The following MKLN1 variants were observed in gnomAD, a reference collection of about 807,000 sequenced individuals.
MKLN1 encodes muskelin 1, also known as muskelin.
Under a neutral mutation model 99.0 loss-of-function variants are expected in MKLN1, and 18 were observed. The ratio of observed to expected loss-of-function variants is 0.18; its 90% CI spans 0.13 to 0.27. MKLN1 has a LOEUF of 0.27. MKLN1 is among the 10% of genes least tolerant of loss of function. MKLN1 has a pLI of 1.00. For synonymous variants in MKLN1, 288 were observed against 293.2 expected, an observed-to-expected ratio of 0.98 and a Z score of 0.18; for missense variants, 621 against 875.9, an observed-to-expected ratio of 0.71 and a Z score of 3.67.
chr7:131,466,183 TG>T, intron 14 of MKLN1, 92 bp from the exon 15 acceptor site: 1 of 828,962 alleles, frequency 1.2e-6, no homozygotes, highest in Non-Finnish European at 1.7e-6. Flanking sequence ...TTTATTTGAA[TG>T]GGCTCAGGAA....
rs188545426 is a variant in MKLN1, at chr7:131,246,023, A to G, written c.-179+43049A>G. Among the ~76,000 whole-genome samples, 417 of 152,336 alleles carry G rather than the reference A, an allele frequency of 2.7e-3. 1 individual carries two copies. The highest frequency in any genetic ancestry group is 9.3e-3 in the African/African-American group (386 of 41,578). On this transcript the variant is annotated intron_variant, in intron 3 of 7. Coordinates refer to the MKLN1 transcript ENST00000416992. ...AGGTGCCCTAGGGCCGCACTTCTGAAGCCCCTGAGAGGCAGATCTTGTTCT... is the reference window on the plus strand; with the variant it reads ...AGGTGCCCTAGGGCCGCACTTCTGAGGCCCCTGAGAGGCAGATCTTGTTCT...
chr7:131,250,019 A>G (rs1309547926), intron 3 of MKLN1, among the ~76,000 whole-genome samples: 2 of 152,248 alleles, frequency 1.3e-5, no homozygotes, highest in Non-Finnish European at 2.9e-5. Flanking sequence ...GAAAGCAAGC[A>G]TGAAGTACGA....
intron 2 of MKLN1, among the ~76,000 whole-genome samples, chr7:131,376,095 A>AATATATATATATATATATATAT (rs60323728): frequency 5.6e-5 from 6 of 108,066 alleles, no homozygotes; most frequent in Non-Finnish European, 9.5e-5. Flanking sequence ...AATTCATGGA[A>AATATATATATATATATATATAT]ATATATATAT....
intron 2 of MKLN1, among the ~76,000 whole-genome samples, chr7:131,385,957 C>T (rs1409669777): frequency 4.0e-5 from 6 of 151,056 alleles, no homozygotes; most frequent in Non-Finnish European, 7.4e-5. Flanking sequence ...TGAAGATTTG[C>T]CCGTAGTTTT....
At chr7:131,423,233 TG>T (rs1795258534) in intron 8 of MKLN1, among the ~76,000 whole-genome samples, 1 of 152,226 alleles carries the variant, frequency 6.6e-6, no homozygotes, top group Non-Finnish European at 1.5e-5. Context: ...AAGAAGTTGA[TG>T]GAGAGTTGCT....
At chr7:131,130,919 G>T (rs1404195292) in intron 1 of MKLN1, among the ~76,000 whole-genome samples, 23 of 151,940 alleles carry the variant, frequency 1.5e-4, no homozygotes, top group Non-Finnish European at 7.4e-5. Context: ...GGGTATGGTG[G>T]CATGCAAGTA....
intron 2 of MKLN1, among the ~76,000 whole-genome samples, chr7:131,171,161 T>G (rs908860413): frequency 5.3e-5 from 8 of 152,084 alleles, no homozygotes; most frequent in African/African-American, 1.9e-4. Context: ...AGGAGGTCAT[T>G]GGATGCTGAA....
intron 3 of MKLN1, among the ~76,000 whole-genome samples, chr7:131,322,557 CTTTTTTTTT>C (rs574246814): frequency 4.2e-5 from 4 of 95,096 alleles, no homozygotes; most frequent in South Asian, 3.6e-4. Flanking sequence ...CTGCCAAACA[CTTTTTTTTT>C]TTTTTTTTTT....
intron 3 of MKLN1, among the ~76,000 whole-genome samples, chr7:131,246,918 A>C (rs1797497998): frequency 6.6e-6 from 1 of 152,164 alleles, no homozygotes; most frequent in African/African-American, 2.4e-5. Flanking sequence ...GAGAGGGTAA[A>C]GCTGACCTAT....
chr7:131,238,389 T>A (rs1797355759), intron 3 of MKLN1, among the ~76,000 whole-genome samples: 2 of 152,242 alleles, frequency 1.3e-5, no homozygotes. Context: ...TTTATTGAGC[T>A]GTTGCATTAT....
At chr7:131,291,695 A>G (rs1245192887) in intron 3 of MKLN1, among the ~76,000 whole-genome samples, 1 of 150,170 alleles carries the variant, frequency 6.7e-6, no homozygotes, top group Non-Finnish European at 1.5e-5. Context: ...TCCCATGGGG[A>G]ATAATCACAG....
chr7:131,193,123 A>G (rs1054344697), intron 2 of MKLN1, among the ~76,000 whole-genome samples: 3 of 152,180 alleles, frequency 2.0e-5, no homozygotes, highest in African/African-American at 4.8e-5. Flanking sequence ...AGAATTGTTT[A>G]GGGATTTGGA....
intron 1 of MKLN1, among the ~76,000 whole-genome samples, chr7:131,335,454 C>A (rs1003276040): frequency 3.3e-5 from 5 of 152,026 alleles, no homozygotes; most frequent in African/African-American, 1.2e-4. Flanking sequence ...TAATATAAAT[C>A]TGTCCCTAAA....
At chr7:131,116,090 G>C (rs952859650) in intron 1 of MKLN1, among the ~76,000 whole-genome samples, 4 of 152,174 alleles carry the variant, frequency 2.6e-5, no homozygotes, top group East Asian at 1.9e-4. Flanking sequence ...CAGATCACGA[G>C]GTCAGGAGAT....
intron 1 of MKLN1, among the ~76,000 whole-genome samples, chr7:131,361,227 C>G (rs914482760): frequency 1.1e-4 from 16 of 151,938 alleles, no homozygotes; most frequent in African/African-American, 3.6e-4. Flanking sequence ...TCAAATATTT[C>G]TTCTGCTCCT....
At chr7:131,386,674 A>C (rs1235318691) in intron 2 of MKLN1, among the ~76,000 whole-genome samples, 2 of 152,214 alleles carry the variant, frequency 1.3e-5, no homozygotes, top group Non-Finnish European at 2.9e-5. Flanking sequence ...GGCAGGGTTG[A>C]TTAGTAAATC....
intron 2 of MKLN1, among the ~76,000 whole-genome samples, chr7:131,143,269 C>T (rs780648389): frequency 1.3e-5 from 2 of 151,574 alleles, no homozygotes; most frequent in Non-Finnish European, 2.9e-5. Flanking sequence ...GAGTTCGAGA[C>T]CAGCCTGGTT....
rs1436823830 is a variant in MKLN1, at chr7:131,387,190, A to T, written c.239A>T (p.His80Leu). The T allele has an allele frequency of 1.9e-6, 3 of 1,612,862 alleles. No individual in the cohort carries two copies. Among genetic ancestry groups the T allele is most frequent in the African/African-American group, 2.7e-5 (2 of 74,900 alleles). The stretch of plus-strand genomic sequence containing the variant: ...ACATTTGGAAAATATGAGAAAACTC[A>T]TGTTTGCAATTTGAAGAAATTTAAA... The part of the protein sequence containing the change: ...NITFGKYEKT[H>L]VCNLKKFKVF... The change falls in exon 3 of 18, where the codon CAT (histidine) becomes CTT (leucine). Residue 80 changes from histidine to leucine, a missense_variant. Physicochemically the swap from His to Leu is moderately conservative, Grantham distance 99. Around this residue, in one of 8 missense-constraint regions of MKLN1, gnomAD observed 361 missense variants for 540.8 expected, o/e 0.67. Coordinates refer to ENST00000352689, the MANE Select transcript of MKLN1 (RefSeq NM_013255.5).
intron 1 of MKLN1, among the ~76,000 whole-genome samples, chr7:131,110,494 G>A (rs762189036): frequency 1.3e-5 from 2 of 152,094 alleles, no homozygotes; most frequent in Admixed American, 1.3e-4. Context: ...TCAGCCCATC[G>A]GCCTGGCGCT....
Sources: allele counts gnomAD v4.1 joint callset (sites outside exome capture counted in the v4.1 genomes callset), GRCh38; gene constraint gnomAD v4.1.1; regional missense constraint gnomAD v4.1.1; transcripts MANE v1.5; gene names NCBI Gene and HGNC (gene_info 2026-07-23, HGNC 2026-07-21).